NELFA: variants seen among roughly 807,000 people sequenced by gnomAD.
NELFA encodes the protein negative elongation factor complex member A.
NELFA carries 35 observed loss-of-function variants against 51.8 expected under a neutral mutation model. That is an observed-to-expected ratio of 0.68 (90% confidence interval 0.52 to 0.90). The LOEUF (loss-of-function observed/expected upper bound fraction) is 0.90, where lower values mean the gene tolerates loss of function less well. NELFA is among the 40% of genes least tolerant of loss of function. The probability of loss-of-function intolerance (pLI) is 0.00; values close to 1 mark genes in which losing one functional copy is unlikely to be tolerated. For synonymous variants in NELFA, 417 were observed against 338.4 expected (o/e 1.23, Z -2.55); for missense variants, 658 against 746.4 (o/e 0.88, Z 1.38).
At chr4:1,998,688 A>G (rs778777494) in intron 1 of NELFA, among the ~76,000 whole-genome samples, 4 of 152,332 alleles carry the variant, frequency 2.6e-5, no homozygotes, top group South Asian at 2.1e-4. Flanking sequence ...GGAGTACCAG[A>G]AGGAGACGGG....
In NELFA at chr4:1,984,864, G is replaced by A. The variant is rs936249774; in HGVS notation, c.980C>T (p.Ser327Phe). ...PALPSTSYLP[S>F]TPSVVPASSY... is the part of the protein sequence containing the mutation. Reference sequence around the variant, plus strand: ...GGAGGCGGGAACCACGCTGGGCGTGGAGGGAAGGTAGCTCGTGGAGGGCAG... The same window carrying A: ...GGAGGCGGGAACCACGCTGGGCGTGAAGGGAAGGTAGCTCGTGGAGGGCAG... Residue 327 changes from serine to phenylalanine, a missense_variant, in exon 8 of 11, where the codon TCC becomes TTC. Around this residue, in one of 3 missense-constraint regions of NELFA, gnomAD observed 200 missense variants for 167.9 expected, o/e 1.19. Coordinates refer to ENST00000382882, the MANE Select transcript of NELFA (RefSeq NM_005663.5). The A allele has an allele frequency of 6.3e-7, 1 of 1,581,540 alleles. No homozygotes were observed.
In NELFA at chr4:1,983,216, G is replaced by A. The variant is rs567380333; in HGVS notation, c.*103C>T. On this transcript the variant is annotated 3_prime_UTR_variant, in exon 11 of 11. Transcript: ENST00000382882. ...GGGTCAGCAGCAGGGCGGCGGCCGG[G>A]GGACCTCGGGGGCCAGGTGTCCGCC... The A allele has an allele frequency of 2.0e-5, 25 of 1,240,078 alleles. No homozygotes were observed. In the East Asian group the frequency reaches 5.3e-4, roughly 26 times the overall value. The allele number at this position is 1,240,078 out of a possible 1,614,324, so 76.8% of individuals were successfully genotyped here. A position where few individuals can be genotyped will look rare whatever the true frequency, so the allele number is the denominator to read the frequency against.
intron 8 of NELFA, 36 bp from the exon 9 acceptor site, chr4:1,984,149 C>G: frequency 6.7e-7 from 1 of 1,485,692 alleles, no homozygotes; most frequent in Non-Finnish European, 8.9e-7. Context: ...GGGGGCTGGA[C>G]CCCCACCCTG....
At chr4:1,986,208 C>T (rs1472714930) in intron 5 of NELFA, 25 bp from the exon 6 acceptor site, 2 of 1,560,728 alleles carry the variant, frequency 1.3e-6, no homozygotes, top group African/African-American at 2.7e-5. Context: ...ACAGCCCTGC[C>T]TTAGTGACGG....
intron 1 of NELFA, among the ~76,000 whole-genome samples, chr4:1,997,656 G>A (rs1275318967): frequency 6.6e-6 from 1 of 152,232 alleles, no homozygotes; most frequent in Non-Finnish European, 1.5e-5. Context: ...TATGGAGAAA[G>A]TAAGATGGTG....
In NELFA at chr4:1,988,022, TCA is replaced by T; in HGVS notation, c.545-17_545-16del. On this transcript the variant is annotated splice_polypyrimidine_tract_variant and intron_variant, in intron 3 of 10. Coordinates refer to ENST00000382882, the MANE Select transcript of NELFA (RefSeq NM_005663.5). ...GGTCTCCGTGGCTGGAAGGAAGAGG[TCA>T]CATATGTCAGGGATCCTCAGAGCGA... 6.2e-7 allele frequency: 1 copy of T among 1,604,248 alleles called. No homozygotes were observed. The highest frequency in any genetic ancestry group is 8.5e-7 in the Non-Finnish European group (1 of 1,176,962).
At chr4:1,997,557 TC>T (rs1728458282) in intron 1 of NELFA, among the ~76,000 whole-genome samples, 1 of 152,232 alleles carries the variant, frequency 6.6e-6, no homozygotes, top group African/African-American at 2.4e-5. Context: ...AATTTAAAGT[TC>T]CTTTGTGCTC....
chr4:2,003,643 T>C (rs987970738), intron 1 of NELFA, among the ~76,000 whole-genome samples: 43 of 152,084 alleles, frequency 2.8e-4, no homozygotes, highest in African/African-American at 1.0e-3. Context: ...AAACCAAACA[T>C]TGCATGTTCT....
rs1727947124 is a variant in NELFA, at chr4:1,983,217, G to A, written c.*102C>T. 8.0e-7 allele frequency: 1 copy of A among 1,253,938 alleles called. No homozygotes were observed. Among genetic ancestry groups the A allele is most frequent in the African/African-American group, 1.5e-5 (1 of 67,126 alleles). The allele number at this position is 1,253,938 out of a possible 1,614,324, so 77.7% of individuals were successfully genotyped here. On this transcript the variant is annotated 3_prime_UTR_variant, in exon 11 of 11. Transcript: ENST00000382882. ...GGTCAGCAGCAGGGCGGCGGCCGGG[G>A]GACCTCGGGGGCCAGGTGTCCGCCA... is the stretch of plus-strand genomic sequence containing the variant.
intron 1 of NELFA, among the ~76,000 whole-genome samples, chr4:2,006,115 G>A (rs1577632630): frequency 6.6e-6 from 1 of 152,188 alleles, no homozygotes; most frequent in Non-Finnish European, 1.5e-5. Flanking sequence ...GACAAGAACC[G>A]ACTTAGTGGG....
intron 1 of NELFA, among the ~76,000 whole-genome samples, chr4:1,997,548 A>C (rs1196524933): frequency 6.6e-6 from 1 of 152,252 alleles, no homozygotes; most frequent in Admixed American, 6.5e-5. Context: ...ATTTGATAAA[A>C]TTTAAAGTTC....
intron 1 of NELFA, among the ~76,000 whole-genome samples, chr4:2,008,528 T>G: frequency 1.2e-5 from 1 of 82,666 alleles, no homozygotes; most frequent in Non-Finnish European, 2.5e-5. Flanking sequence ...AGGTGGGAGA[T>G]GAGGATCGAG....
At chr4:1,985,011 G>C in intron 7 of NELFA, 92 bp from the exon 8 acceptor site, 1 of 910,716 alleles carries the variant, frequency 1.1e-6, no homozygotes, top group Non-Finnish European at 1.6e-6. Context: ...ACTGCCACAG[G>C]CTGTGGCCCC....
At chr4:2,007,486 C>A (rs1728738575) in intron 1 of NELFA, among the ~76,000 whole-genome samples, 1 of 152,208 alleles carries the variant, frequency 6.6e-6, no homozygotes, top group African/African-American at 2.4e-5. Flanking sequence ...ATGAAACTGT[C>A]ACGGCGTCGA....
At chr4:1,992,202 TG>T (rs1728291189) in intron 1 of NELFA, 1 of 223,208 alleles carries the variant, frequency 4.5e-6, no homozygotes, top group Non-Finnish European at 9.1e-6. Flanking sequence ...GCCTGGGACC[TG>T]GGGCAGCACC....
chr4:1,985,963 C>G, intron 6 of NELFA, 99 bp from the exon 7 acceptor site: 1 of 1,349,408 alleles, frequency 7.4e-7, no homozygotes, highest in Non-Finnish European at 1.0e-6. Context: ...GGGGAGGCCA[C>G]CAAGGAGCGA....
chr4:1,983,223 C>A lies in NELFA; in HGVS notation c.*96G>T. 7.4e-7 allele frequency: 1 copy of A among 1,343,958 alleles called. No individual in the cohort carries two copies. Among genetic ancestry groups the A allele is most frequent in the Non-Finnish European group, 1.0e-6 (1 of 982,902 alleles). The allele number at this position is 1,343,958 out of a possible 1,614,324, so 83.3% of individuals were successfully genotyped here. On this transcript the variant is annotated 3_prime_UTR_variant, in exon 11 of 11. Transcript: ENST00000382882. Reference sequence around the variant, plus strand: ...CAGCAGGGCGGCGGCCGGGGGACCTCGGGGGCCAGGTGTCCGCCATCCGGT... The same window carrying A: ...CAGCAGGGCGGCGGCCGGGGGACCTAGGGGGCCAGGTGTCCGCCATCCGGT...
Position 1,996,857 on chromosome 4 carries a change from G to A in NELFA, c.211-5142C>T, listed in dbSNP as rs182865425. ...TGAGGCACGATAATCACTTGAGTCTGGAAGGTGGAGGTTGCAGTGAGCCAA... is the reference window on the plus strand; with the variant it reads ...TGAGGCACGATAATCACTTGAGTCTAGAAGGTGGAGGTTGCAGTGAGCCAA... On this transcript the variant is annotated intron_variant, in intron 1 of 10. Transcript: ENST00000382882. Among the ~76,000 whole-genome samples the A allele has an allele frequency of 2.6e-5, 4 of 152,256 alleles. 1 individual carries two copies. The highest frequency in any genetic ancestry group is 2.0e-4 in the Admixed American group (3 of 15,290).
In NELFA at chr4:1,986,173, A is replaced by G; in HGVS notation, c.776T>C (p.Ile259Thr). 6.4e-7 allele frequency: 1 copy of G among 1,558,044 alleles called. No individual in the cohort carries two copies. The highest frequency in any genetic ancestry group is 1.4e-5 in the African/African-American group (1 of 73,332). The change falls in exon 6 of 11, where the codon ATC becomes ACC. Residue 259 changes from isoleucine to threonine, a missense_variant. By Grantham distance (89) the Ile-to-Thr change is moderately conservative. Around this residue, in one of 3 missense-constraint regions of NELFA, gnomAD observed 371 missense variants for 448.3 expected, o/e 0.83. Transcript: ENST00000382882. ...AGCGCCAACCATATCCAGCTCAGAG[A>G]TGTCCAGCAGCTGCCAAGACAAGCA... ...RKERGVKLLD[I>T]SELDMVGAGR...
Sources: gnomAD v4.1 joint callset for allele counts (sites outside exome capture counted in the v4.1 genomes callset) on GRCh38, gnomAD v4.1.1 for gene constraint, gnomAD v4.1.1 regional missense constraint, MANE v1.5 for transcripts, NCBI Gene and HGNC (gene_info 2026-07-23, HGNC 2026-07-21) for gene names.